ZNF678: variants seen among roughly 807,000 people sequenced by gnomAD.
ZNF678 encodes zinc finger protein 678, also known as hypothetical protein MGC42493.
Under a neutral mutation model 3.0 loss-of-function variants are expected in ZNF678, and 5 were observed. That is an observed-to-expected ratio of 1.69 (90% CI 0.88 to 3.56). ZNF678 has a LOEUF of 3.56. Among genes scored for constraint, ZNF678 ranks in the 30% most tolerant of loss-of-function variants. The probability of loss-of-function intolerance (pLI) is 0.00; values close to 1 mark genes in which losing one functional copy is unlikely to be tolerated. For missense variants in ZNF678, 593 were observed against 605.0 expected, an observed-to-expected ratio of 0.98 and a Z score of 0.21; for synonymous variants, 218 against 199.6, an observed-to-expected ratio of 1.09 and a Z score of -0.78.
At chr1:227,663,783 C>T (rs1431190591), downstream of ZNF678, among the ~76,000 whole-genome samples, 1 of 152,148 alleles carries the variant, frequency 6.6e-6, no homozygotes, top group East Asian at 1.9e-4. Context: ...TGGTGAGTTA[C>T]CCTAGTGGAA....
At chr1:227,606,168 G>A (rs957506313) in intron 1 of ZNF678, among the ~76,000 whole-genome samples, 9 of 152,222 alleles carry the variant, frequency 5.9e-5, no homozygotes, top group Non-Finnish European at 8.8e-5. Context: ...GACCTGCACC[G>A]GTGCCGGTCT....
At chr1:227,583,335 CT>C (rs916306642) in intron 1 of ZNF678, among the ~76,000 whole-genome samples, 1 of 145,236 alleles carries the variant, frequency 6.9e-6, no homozygotes, top group African/African-American at 2.5e-5. Context: ...TAGAAAATTT[CT>C]TTTTTTTTCT....
rs1042408271 is a variant in ZNF678, at chr1:227,658,002, A to G, written c.*2174A>G. ...TTCCAAAGTTCATGAAATTTTCTCT[A>G]TATTCCTGAGAAATTCTAAGAATAA... On this transcript the variant is annotated 3_prime_UTR_variant, in exon 4 of 4. Coordinates refer to ENST00000343776, the MANE Select transcript of ZNF678 (RefSeq NM_001367909.1). The G allele has an allele frequency of 1.3e-5, 2 of 151,978 alleles. No homozygotes were observed. The highest frequency in any genetic ancestry group is 2.4e-5 in the African/African-American group (1 of 41,414). 9.4% of individuals were successfully genotyped at this position (151,978 alleles called of 1,614,324 possible).
chr1:227,610,304 C>A lies in ZNF678; in HGVS notation c.-163-36240C>A, dbSNP rs115112410. 7.5e-3 allele frequency among the ~76,000 whole-genome samples: 1,139 copies of A among 152,252 alleles called. 11 individuals carry two copies. The highest frequency in any genetic ancestry group is 0.025 in the African/African-American group (1,051 of 41,544). On this transcript the variant is annotated intron_variant, in intron 1 of 3. Coordinates refer to ENST00000343776, the MANE Select transcript of ZNF678 (RefSeq NM_001367909.1). ...TAATAAATAGCAGAGAATAATATTT[C>A]CACATACTTTCGTGGTAGCCAGAAA...
In ZNF678 at chr1:227,655,106, ATTC is replaced by A. The variant is rs1659196529; in HGVS notation, c.857_859del (p.Ile286_His287delinsAsn). ...CTCACACCTAACTAGACATAGGAGA[ATTC>A]ATACTGGAGAGAAACCCTACAAATG... On this transcript the variant is annotated inframe_deletion, in exon 4 of 4. Coordinates refer to ENST00000343776, the MANE Select transcript of ZNF678 (RefSeq NM_001367909.1). The A allele has an allele frequency of 1.2e-6, 2 of 1,613,084 alleles. No individual in the cohort carries two copies. The highest frequency in any genetic ancestry group is 1.7e-6 in the Non-Finnish European group (2 of 1,179,624).
chr1:227,598,643 T>G, intron 1 of ZNF678: 2 of 554,036 alleles, frequency 3.6e-6, no homozygotes, highest in Non-Finnish European at 6.5e-6. Flanking sequence ...TGCTGAGCCC[T>G]TTAATGTCCT....
rs771206569 is a variant in ZNF678, at chr1:227,651,066, G to A, written c.75G>A (p.Leu25=). 5 of 1,613,212 alleles carry A rather than the reference G, an allele frequency of 3.1e-6. No homozygotes were observed. Among genetic ancestry groups the A allele is most frequent in the Non-Finnish European group, 4.2e-6 (5 of 1,179,622 alleles). The part of the protein sequence containing the change: ...GANTSTSFYK[L]VYTAILSYSI... ...ACACCTCTACCAGTTTTTATAAACT[G>A]GTTTATACAGGTAAAGATTTTATCC... The change falls in exon 3 of 4, where the codon CTG becomes CTA. Residue 25 remains leucine (L), a synonymous_variant. Coordinates refer to ENST00000343776, the MANE Select transcript of ZNF678 (RefSeq NM_001367909.1).
rs1231825359 is a variant in ZNF678 at position 227,655,680 on chromosome 1, C to T, written c.1430C>T (p.Thr477Ile). The stretch of plus-strand genomic sequence containing the variant: ...GCCTTTAACCAGTTCTCAAGCCTTA[C>T]TCGTCATAAAAGAATTCATACTGGA... ...GKAFNQFSSLTRHKRIHTGEK... is the reference protein window; with the variant it reads ...GKAFNQFSSLIRHKRIHTGEK... The change falls in exon 4 of 4, where the codon ACT becomes ATT. Residue 477 changes from threonine to isoleucine, a missense_variant. Transcript: ENST00000343776. 1.2e-6 allele frequency: 2 copies of T among 1,612,594 alleles called. No homozygotes were observed. The highest frequency in any genetic ancestry group is 1.3e-5 in the African/African-American group (1 of 74,860).
chr1:227,677,558 A>G (rs1385717202), downstream of ZNF678: 2 of 152,278 alleles, frequency 1.3e-5, no homozygotes, highest in Admixed American at 6.5e-5. Flanking sequence ...CAGAAGGTCA[A>G]AATGGAAACT....
At chr1:227,630,970 C>A (rs1010601798) in intron 1 of ZNF678, among the ~76,000 whole-genome samples, 5 of 146,392 alleles carry the variant, frequency 3.4e-5, no homozygotes, top group African/African-American at 1.3e-4. Flanking sequence ...GATGGTGTTA[C>A]AATTTATACT....
intron 1 of ZNF678, among the ~76,000 whole-genome samples, chr1:227,631,131 G>C (rs1419495531): frequency 6.6e-6 from 1 of 152,106 alleles, no homozygotes; most frequent in African/African-American, 2.4e-5. Flanking sequence ...GCCTTGGAGG[G>C]AACGTTTCCC....
intron 1 of ZNF678, among the ~76,000 whole-genome samples, chr1:227,605,894 G>A (rs1371770781): frequency 6.6e-6 from 1 of 152,166 alleles, no homozygotes; most frequent in African/African-American, 2.4e-5. Flanking sequence ...GGAAGTATAA[G>A]CATAAATGGA....
rs186198620 is a variant in ZNF678, at chr1:227,595,820, G to A, written c.-164+32096G>A. 4.6e-5 allele frequency among the ~76,000 whole-genome samples: 7 copies of A among 152,294 alleles called. No individual in the cohort carries two copies. The South Asian group carries it at 8.3e-4, about 18-fold the overall frequency. On this transcript the variant is annotated intron_variant, in intron 1 of 3. Coordinates refer to ENST00000343776, the MANE Select transcript of ZNF678 (RefSeq NM_001367909.1). ...ACCAGAGTGCTGGTACAGGCACACC[G>A]TGGGTGATCAGGCCACGCTTCCACT...
At position 227,579,037 on chromosome 1, in the gene ZNF678, T is replaced by G. The variant is rs1657055050; in HGVS notation, c.-164+15313T>G. Among the ~76,000 whole-genome samples, 2 of 152,218 alleles carry G rather than the reference T, an allele frequency of 1.3e-5. 1 individual carries two copies. The highest frequency in any genetic ancestry group is 4.1e-4 in the South Asian group (2 of 4,834). The stretch of plus-strand genomic sequence containing the variant: ...GGGCCAGCACTCAGTTCCCAAATCT[T>G]GGACTTTGTGCTCTCTGGGAGACTT... On this transcript the variant is annotated intron_variant, in intron 1 of 3. Coordinates refer to ENST00000343776, the MANE Select transcript of ZNF678 (RefSeq NM_001367909.1).
chr1:227,665,197 A>T (rs1255567450), downstream of ZNF678, among the ~76,000 whole-genome samples: 1 of 152,204 alleles, frequency 6.6e-6, no homozygotes, highest in Non-Finnish European at 1.5e-5. Context: ...ACTACAGCTC[A>T]AACAGGCCTG....
chr1:227,608,569 T>G (rs1173402798), intron 1 of ZNF678, among the ~76,000 whole-genome samples: 1 of 152,194 alleles, frequency 6.6e-6, no homozygotes. Context: ...ACTGTTGGGT[T>G]CAGAAGCTAT....
At chr1:227,676,118 G>C (rs1266464664) in intron 5 of ZNF678, among the ~76,000 whole-genome samples, 1 of 152,160 alleles carries the variant, frequency 6.6e-6, no homozygotes, top group Non-Finnish European at 1.5e-5. Flanking sequence ...GCTAGGAAAA[G>C]CATTCCCCTT....
intron 1 of ZNF678, among the ~76,000 whole-genome samples, chr1:227,618,841 C>G (rs1479136806): frequency 1.3e-5 from 2 of 152,042 alleles, no homozygotes; most frequent in African/African-American, 2.4e-5. Flanking sequence ...TTAGTTTGTT[C>G]TCACACTGCT....
chr1:227,626,751 A>G (rs1658427713), intron 1 of ZNF678, among the ~76,000 whole-genome samples: 1 of 151,722 alleles, frequency 6.6e-6, no homozygotes, highest in African/African-American at 2.4e-5. Flanking sequence ...CATTTTCTCA[A>G]CTTTCCTGAG....
Sources: allele counts gnomAD v4.1 joint callset (sites outside exome capture counted in the v4.1 genomes callset), GRCh38; gene constraint gnomAD v4.1.1; transcripts MANE v1.5; gene names NCBI Gene and HGNC (gene_info 2026-07-23, HGNC 2026-07-21).